ZBBX: variants seen among roughly 807,000 people sequenced by gnomAD.
ZBBX encodes zinc finger B-box domain containing.
ZBBX carries 101 observed loss-of-function variants against 108.5 expected under a neutral mutation model. The ratio of observed to expected loss-of-function variants is 0.93; its 90% CI spans 0.79 to 1.10. The LOEUF (loss-of-function observed/expected upper bound fraction) is 1.10. Ranked by LOEUF, ZBBX falls within the 50% of genes least tolerant of loss-of-function variation. The pLI, the probability that ZBBX is intolerant of heterozygous loss-of-function variation, is 0.00. For missense variants in ZBBX, 1,009 were observed against 941.4 expected (o/e 1.07, Z -0.94); for synonymous variants, 356 against 323.4 (o/e 1.10, Z -1.08).
chr3:167,227,424 C>G, the ZBBX span, among the ~76,000 whole-genome samples: 1 of 151,786 alleles, frequency 6.6e-6, no homozygotes, highest in East Asian at 2.0e-4. Flanking sequence ...GTCCCCAAAG[C>G]AGGAGCCAGC....
chr3:167,395,276 G>A (rs1339858441), intron 1 of ZBBX, among the ~76,000 whole-genome samples: 2 of 151,994 alleles, frequency 1.3e-5, no homozygotes, highest in Non-Finnish European at 2.9e-5. Context: ...TAATGTTCTT[G>A]AATATCACAT....
downstream of ZBBX, among the ~76,000 whole-genome samples, chr3:167,238,730 T>C (rs1720333064): frequency 6.6e-6 from 1 of 152,074 alleles, no homozygotes; most frequent in African/African-American, 2.4e-5. Flanking sequence ...TCCTAAAATG[T>C]CACAAAGTGA....
chr3:167,234,367 A>G, the ZBBX span, among the ~76,000 whole-genome samples: 1 of 151,874 alleles, frequency 6.6e-6, no homozygotes, highest in Admixed American at 6.6e-5. Context: ...AATCTTTGCA[A>G]AAGCAGATTG....
chr3:167,217,895 T>C, the ZBBX span, among the ~76,000 whole-genome samples: 6 of 150,854 alleles, frequency 4.0e-5, no homozygotes, highest in Non-Finnish European at 8.9e-5. Context: ...CTCACTATTT[T>C]TTTTTTTTTT....
At chr3:167,277,621 G>C (rs1437646095) in intron 20 of ZBBX, among the ~76,000 whole-genome samples, 1 of 152,064 alleles carries the variant, frequency 6.6e-6, no homozygotes, top group African/African-American at 2.4e-5. Flanking sequence ...GACCTACAAA[G>C]AGACTTAGAC....
rs575793701 is a variant in ZBBX at position 167,257,167 on chromosome 3, T to C, written c.2255-14524A>G. ...CCTGTCTTTTGTATAAAAATTTTAT[T>C]TGTGGCTATTACAAATGGAATTAGT... On this transcript the variant is annotated intron_variant, in intron 20 of 21. Transcript: ENST00000675490. Among the ~76,000 whole-genome samples, 85 of 152,298 alleles carry C rather than the reference T, an allele frequency of 5.6e-4. No individual in the cohort carries two copies. In the Middle Eastern group the frequency reaches 0.034, roughly 61 times the overall value.
intron 9 of ZBBX, among the ~76,000 whole-genome samples, chr3:167,348,348 GAAAGAAAGAAAGAAAGAAAGAAAA>G (rs1741971687): frequency 9.4e-6 from 1 of 106,112 alleles, no homozygotes; most frequent in African/African-American, 3.8e-5. Flanking sequence ...AAGAAAGAAA[GAAAGAAAGAAAGAAAGAAAGAAAA>G]AAAAGAAAAG....
the ZBBX span, among the ~76,000 whole-genome samples, chr3:167,233,395 A>G: frequency 6.6e-6 from 1 of 151,818 alleles, no homozygotes; most frequent in East Asian, 1.9e-4. Context: ...GCTCTGAGAT[A>G]GAGTTAGAGA....
intron 18 of ZBBX, 37 bp from the exon 19 acceptor site, chr3:167,289,020 A>G (rs186109409): frequency 7.0e-7 from 1 of 1,430,670 alleles, no homozygotes; most frequent in Non-Finnish European, 9.5e-7. Context: ...ATAAAGTTTG[A>G]AAAGAAGAAA....
chr3:167,348,651 G>C (rs1016549888), intron 9 of ZBBX, among the ~76,000 whole-genome samples: 2 of 152,014 alleles, frequency 1.3e-5, no homozygotes, highest in African/African-American at 4.8e-5. Context: ...AAGATAGAAA[G>C]GGAGTAGAGA....
intron 20 of ZBBX, among the ~76,000 whole-genome samples, chr3:167,245,318 G>A (rs536821190): frequency 1.6e-4 from 25 of 152,232 alleles, no homozygotes; most frequent in South Asian, 1.2e-3. Flanking sequence ...AGCTGAGATC[G>A]CACCACTGCA....
intron 9 of ZBBX, among the ~76,000 whole-genome samples, chr3:167,335,484 C>G (rs1006350281): frequency 6.6e-6 from 1 of 151,918 alleles, no homozygotes; most frequent in Admixed American, 6.6e-5. Context: ...TCAGAATCGT[C>G]AGATGCTCTG....
In ZBBX at chr3:167,391,656, A is replaced by G. The variant is rs538061122; in HGVS notation, c.-445-11251T>C. 2.0e-4 allele frequency among the ~76,000 whole-genome samples: 31 copies of G among 151,516 alleles called. 1 individual carries two copies. The highest frequency in any genetic ancestry group is 7.2e-4 in the African/African-American group (30 of 41,446). ...GGTAGGCTGAGAATTGCCTTTTTGGAACATGATTGACTTTTAATTATTACC... is the reference window on the plus strand; with the variant it reads ...GGTAGGCTGAGAATTGCCTTTTTGGGACATGATTGACTTTTAATTATTACC... On this transcript the variant is annotated intron_variant, in intron 1 of 21. Transcript: ENST00000455345.
chr3:167,223,594 A>C, the ZBBX span, among the ~76,000 whole-genome samples: 1 of 152,030 alleles, frequency 6.6e-6, no homozygotes, highest in East Asian at 1.9e-4. Context: ...CTGATCTTTC[A>C]TGTCAATTCT....
chr3:167,306,266 C>T (rs1007616260), intron 16 of ZBBX, among the ~76,000 whole-genome samples: 10 of 152,146 alleles, frequency 6.6e-5, no homozygotes, highest in African/African-American at 2.4e-4. Context: ...TTCCCACCTC[C>T]TCCTCTCACT....
intron 17 of ZBBX, among the ~76,000 whole-genome samples, chr3:167,301,954 TAA>T (rs71176635): frequency 0.036 from 3,293 of 92,034 alleles, 62 homozygotes; most frequent in African/African-American, 0.068. Flanking sequence ...AAGACTCCGT[TAA>T]AAAAAAAAAA....
chr3:167,218,926 G>T, the ZBBX span, among the ~76,000 whole-genome samples: 1 of 151,838 alleles, frequency 6.6e-6, no homozygotes, highest in Non-Finnish European at 1.5e-5. Context: ...AAAAATCAAC[G>T]TATGGAGAAA....
rs751564642 is a variant in ZBBX, at chr3:167,333,985, C to A, written c.529G>T (p.Ala177Ser). 3.4e-5 allele frequency: 52 copies of A among 1,513,474 alleles called. No individual in the cohort carries two copies. The highest frequency in any genetic ancestry group is 4.4e-5 in the Non-Finnish European group (50 of 1,130,438). 93.8% of individuals were successfully genotyped at this position (1,513,474 alleles called of 1,614,324 possible). ...LKLHRTTLLQ[A>S]KSQILFNVLD... ...ACATTGAATAATATTTGAGATTTTG[C>A]CTATTAAAAAAGTAACAATATAATT... is the stretch of plus-strand genomic sequence containing the variant. Residue 177 changes from alanine (A) to serine (S), a missense_variant and splice_region_variant, in exon 10 of 22, where the codon GCA (alanine) becomes TCA (serine). Ala to Ser is a moderately conservative substitution (Grantham distance 99). Transcript: ENST00000675490.
At chr3:167,270,972 T>C (rs1019912709) in intron 20 of ZBBX, among the ~76,000 whole-genome samples, 1 of 152,200 alleles carries the variant, frequency 6.6e-6, no homozygotes, top group Non-Finnish European at 1.5e-5. Context: ...CACTTATTCA[T>C]AGATGGTTCC....
Sources: gnomAD v4.1 joint callset for allele counts (sites outside exome capture counted in the v4.1 genomes callset) on GRCh38, gnomAD v4.1.1 for gene constraint, MANE v1.5 for transcripts, NCBI Gene and HGNC (gene_info 2026-07-23, HGNC 2026-07-21) for gene names.